Variants in SCN7A observed in about 807,000 individuals in gnomAD.
SCN7A encodes the protein sodium voltage-gated channel alpha subunit 7.
Under a neutral mutation model 155.2 loss-of-function variants are expected in SCN7A, and 138 were observed. That is an observed-to-expected ratio of 0.89 (90% CI 0.77 to 1.02). The LOEUF is 1.02. SCN7A is among the 50% of genes least tolerant of loss of function. The probability of loss-of-function intolerance (pLI) is 0.00; values close to 1 mark genes in which losing one functional copy is unlikely to be tolerated. For missense variants in SCN7A, 2,058 were observed against 1,986.6 expected (o/e 1.04, Z -0.68); for synonymous variants, 693 against 649.0 (o/e 1.07, Z -1.03).
Position 166,427,778 on chromosome 2 carries a change from G to T in SCN7A, c.2853+10C>A. On this transcript the variant is annotated intron_variant, in intron 18 of 25. Coordinates refer to ENST00000643258, the MANE Select transcript of SCN7A (RefSeq NM_002976.4). Reference sequence around the variant, plus strand: ...CAGCAAAGTATCAAACACCCTGGCTGCCCACTTACCAGAGTGCCAGTGCTG... The same window carrying T: ...CAGCAAAGTATCAAACACCCTGGCTTCCCACTTACCAGAGTGCCAGTGCTG... 1 of 1,600,270 alleles carries T rather than the reference G, an allele frequency of 6.2e-7. No homozygotes were observed.
Position 166,438,145 on chromosome 2 carries a change from A to G in SCN7A, c.2157+3251T>C, listed in dbSNP as rs189536592. 2.2e-3 allele frequency among the ~76,000 whole-genome samples: 337 copies of G among 152,068 alleles called. 1 individual carries two copies. Among genetic ancestry groups the G allele is most frequent in the African/African-American group, 7.9e-3 (326 of 41,476 alleles). The stretch of plus-strand genomic sequence containing the variant: ...ATAATCCTCATGTGTTATGGGAGGG[A>G]CTTGGTGGGAAGTAATTGAATCATG... On this transcript the variant is annotated intron_variant, in intron 15 of 25. Coordinates refer to ENST00000643258, the MANE Select transcript of SCN7A (RefSeq NM_002976.4).
Position 166,432,649 on chromosome 2 carries a change from C to A in SCN7A, c.2261G>T (p.Arg754Ile). The change falls in exon 16 of 26, where the codon AGA (arginine) becomes ATA (isoleucine). Residue 754 changes from arginine (R) to isoleucine (I), a missense_variant. Physicochemically the swap from Arg to Ile is moderately conservative, Grantham distance 97. Coordinates refer to ENST00000643258, the MANE Select transcript of SCN7A (RefSeq NM_002976.4). ...EAKNLQLAVA[R>I]IKKGINYVLL... ...CACATAGTTTATTCCTTTTTTAATT[C>A]TTGCCACTGCAAGCTGGAGATTTTT... The A allele has an allele frequency of 2.5e-6, 4 of 1,609,592 alleles. No individual in the cohort carries two copies. Among genetic ancestry groups the A allele is most frequent in the East Asian group, 2.2e-5 (1 of 44,832 alleles).
chr2:166,414,289 C>T (rs182729253), intron 21 of SCN7A, among the ~76,000 whole-genome samples: 1,292 of 30,874 alleles, frequency 0.042, 111 homozygotes, highest in African/African-American at 0.13. Context: ...TATATATACA[C>T]ACACATATAT....
At chr2:166,478,099 C>T (rs1244430137) in intron 2 of SCN7A, among the ~76,000 whole-genome samples, 1 of 151,776 alleles carries the variant, frequency 6.6e-6, no homozygotes, top group African/African-American at 2.4e-5. Flanking sequence ...TAAACTTACT[C>T]ATCATTGGCC....
At chr2:166,411,105 A>T (rs947570156) in intron 23 of SCN7A, among the ~76,000 whole-genome samples, 5 of 152,196 alleles carry the variant, frequency 3.3e-5, no homozygotes, top group African/African-American at 1.2e-4. Context: ...TCATTGGTGG[A>T]GACTCAAGAG....
At chr2:166,458,640 G>T (rs1223601875) in intron 10 of SCN7A, among the ~76,000 whole-genome samples, 1 of 152,028 alleles carries the variant, frequency 6.6e-6, no homozygotes, top group African/African-American at 2.4e-5. Flanking sequence ...TTTATACTAT[G>T]TTTTTACTGT....
rs116405642 is a variant in SCN7A, at chr2:166,490,757, C to T, written c.-128+3211G>A. ...ACTGGCTATTTACCTCTGCTTCTGACAATTCTGAAAATGTCTGTCTGTTTT... is the reference window on the plus strand; with the variant it reads ...ACTGGCTATTTACCTCTGCTTCTGATAATTCTGAAAATGTCTGTCTGTTTT... On this transcript the variant is annotated intron_variant, in intron 1 of 25. Transcript: ENST00000643258. 2.9e-3 allele frequency among the ~76,000 whole-genome samples: 437 copies of T among 152,318 alleles called. 6 individuals are homozygous for T. Among genetic ancestry groups the T allele is most frequent in the African/African-American group, 9.7e-3 (403 of 41,570 alleles).
At chr2:166,410,348 A>T (rs1701174960) in intron 23 of SCN7A, 24 bp from the exon 24 acceptor site, 1 of 1,479,082 alleles carries the variant, frequency 6.8e-7, no homozygotes, top group East Asian at 2.5e-5. Flanking sequence ...AGAAAAATAT[A>T]TTAAAATCAC....
chr2:166,420,410 C>T (rs1701486570), intron 20 of SCN7A, among the ~76,000 whole-genome samples: 1 of 152,012 alleles, frequency 6.6e-6, no homozygotes, highest in Non-Finnish European at 1.5e-5. Context: ...TGCAAAAACA[C>T]ATAAATGTAT....
At chr2:166,465,398 G>T in intron 9 of SCN7A, 64 bp downstream of exon 9, 2 of 1,099,048 alleles carry the variant, frequency 1.8e-6, no homozygotes, top group Non-Finnish European at 2.7e-6. Context: ...AAAAGCAATA[G>T]TCCTTCATTA....
rs115516021 is a variant in SCN7A, at chr2:166,431,412, G to A, written c.2592+906C>T. On this transcript the variant is annotated intron_variant, in intron 16 of 25. Transcript: ENST00000643258. ...GAGAGCATCTGCCAAAACAGAAGAGGTCTGGGAGACAAGATGGTGCCACAG... is the reference window on the plus strand; with the variant it reads ...GAGAGCATCTGCCAAAACAGAAGAGATCTGGGAGACAAGATGGTGCCACAG... 3.8e-3 allele frequency among the ~76,000 whole-genome samples: 578 copies of A among 152,160 alleles called. 5 individuals are homozygous for A. The highest frequency in any genetic ancestry group is 0.014 in the African/African-American group (561 of 41,536).
At chr2:166,490,796 C>A (rs1046249669) in intron 1 of SCN7A, among the ~76,000 whole-genome samples, 1 of 152,326 alleles carries the variant, frequency 6.6e-6, no homozygotes, top group East Asian at 1.9e-4. Flanking sequence ...AGGATTCCAA[C>A]CTGCCCTCCC....
At chr2:166,424,504 A>G (rs1004763455) in intron 18 of SCN7A, among the ~76,000 whole-genome samples, 4 of 152,130 alleles carry the variant, frequency 2.6e-5, no homozygotes, top group Admixed American at 6.6e-5. Flanking sequence ...TGTTCAGAAC[A>G]AAAAGATTTA....
chr2:166,411,344 A>G (rs1701197902), intron 23 of SCN7A, among the ~76,000 whole-genome samples: 1 of 152,050 alleles, frequency 6.6e-6, no homozygotes, highest in African/African-American at 2.4e-5. Flanking sequence ...CACTCAGTCT[A>G]TGCCACCCAC....
chr2:166,476,869 T>C (rs1702809885), intron 3 of SCN7A, among the ~76,000 whole-genome samples: 2 of 152,076 alleles, frequency 1.3e-5, no homozygotes, highest in African/African-American at 2.4e-5. Context: ...AAATTCTGCA[T>C]CCTTAATGAT....
Position 166,409,123 on chromosome 2 carries a change from T to C in SCN7A, c.3982+542A>G, listed in dbSNP as rs1701140777. 2.0e-5 allele frequency among the ~76,000 whole-genome samples: 3 copies of C among 152,044 alleles called. No homozygotes were observed. In the South Asian group the frequency reaches 6.2e-4, roughly 31 times the overall value. Reference sequence around the variant, plus strand: ...TACACAGAAATTATACTTGTCTTGTTTACTACTGAATTTTTTGCATATAAC... The same window carrying C: ...TACACAGAAATTATACTTGTCTTGTCTACTACTGAATTTTTTGCATATAAC... On this transcript the variant is annotated intron_variant, in intron 25 of 25. Coordinates refer to ENST00000643258, the MANE Select transcript of SCN7A (RefSeq NM_002976.4).
rs1316913924 is a variant in SCN7A, at chr2:166,477,683, G to C, written c.14C>G (p.Pro5Arg). 1 of 1,555,988 alleles carries C rather than the reference G, an allele frequency of 6.4e-7. No homozygotes were observed. The highest frequency in any genetic ancestry group is 8.6e-7 in the Non-Finnish European group (1 of 1,157,566). Residue 5 changes from proline (P) to arginine (R), a missense_variant, in exon 3 of 26, where the codon CCA (proline) becomes CGA (arginine). Physicochemically the swap from Pro to Arg is moderately radical, Grantham distance 103. Coordinates refer to ENST00000643258, the MANE Select transcript of SCN7A (RefSeq NM_002976.4). Reference sequence around the variant, plus strand: ...GAAGGGAACAAGGCCCTTAGGTTCTGGTGAAGCCAACATTTCCAATTTTGT... The same window carrying C: ...GAAGGGAACAAGGCCCTTAGGTTCTCGTGAAGCCAACATTTCCAATTTTGT... MLAS[P>R]EPKGLVPFTK...
At chr2:166,471,059 C>A (rs1371369526) in intron 6 of SCN7A, among the ~76,000 whole-genome samples, 2 of 151,638 alleles carry the variant, frequency 1.3e-5, no homozygotes, top group African/African-American at 4.8e-5. Flanking sequence ...GAATAAGATT[C>A]ATTTTAAGTA....
intron 14 of SCN7A, among the ~76,000 whole-genome samples, chr2:166,442,541 C>T (rs919695339): frequency 1.3e-5 from 2 of 151,418 alleles, no homozygotes; most frequent in African/African-American, 4.9e-5. Flanking sequence ...ACATGAACCA[C>T]CACTGTGACT....
Sources: allele counts gnomAD v4.1 joint callset (sites outside exome capture counted in the v4.1 genomes callset), GRCh38; gene constraint gnomAD v4.1.1; transcripts MANE v1.5; gene names NCBI Gene and HGNC (gene_info 2026-07-23, HGNC 2026-07-21).